The following MNAT1 variants were observed in gnomAD, a reference collection of about 807,000 sequenced individuals.
The protein encoded by MNAT1 is MNAT1 component of CDK activating kinase, also known as CDK-activating kinase assembly factor MAT1.
In MNAT1, 43 loss-of-function variants were observed where a neutral mutation model predicts 42.0. The ratio of observed to expected loss-of-function variants is 1.02; its 90% CI spans 0.80 to 1.32. The LOEUF is 1.32. Ranked by LOEUF, MNAT1 falls within the 40% of genes most tolerant of loss-of-function variation. The probability of loss-of-function intolerance (pLI) is 0.00; values close to 1 mark genes in which losing one functional copy is unlikely to be tolerated. For synonymous variants in MNAT1, 118 were observed against 120.0 expected, an observed-to-expected ratio of 0.98 and a Z score of 0.11; for missense variants, 306 against 350.4, an observed-to-expected ratio of 0.87 and a Z score of 1.01.
intron 6 of MNAT1, among the ~76,000 whole-genome samples, chr14:60,863,054 G>A (rs1312555530): frequency 6.6e-6 from 1 of 151,882 alleles, no homozygotes; most frequent in Admixed American, 6.6e-5. Flanking sequence ...CGAAAGATTC[G>A]AAATTTAACA....
chr14:60,772,276 CATAA>C (rs2031087752), intron 1 of MNAT1, among the ~76,000 whole-genome samples: 1 of 152,068 alleles, frequency 6.6e-6, no homozygotes, highest in Non-Finnish European at 1.5e-5. Flanking sequence ...AAGAAATTGA[CATAA>C]ATAAATTAAA....
At chr14:60,939,068 C>T (rs546534813) in intron 7 of MNAT1, among the ~76,000 whole-genome samples, 34 of 152,144 alleles carry the variant, frequency 2.2e-4, no homozygotes, top group East Asian at 9.7e-4. Context: ...TCTGTGGGAT[C>T]GGTGGTGATA....
intron 7 of MNAT1, among the ~76,000 whole-genome samples, chr14:60,910,676 C>T (rs902200891): frequency 3.3e-5 from 5 of 152,084 alleles, no homozygotes; most frequent in African/African-American, 1.2e-4. Flanking sequence ...GGATGAAGTC[C>T]ACTTGATCAT....
intron 6 of MNAT1, among the ~76,000 whole-genome samples, chr14:60,822,852 G>A (rs2032939108): frequency 6.6e-6 from 1 of 152,056 alleles, no homozygotes. Flanking sequence ...TGTCCCCTGG[G>A]CTCAAGCGAT....
chr14:60,919,075 C>T (rs966280909), intron 7 of MNAT1, among the ~76,000 whole-genome samples: 1 of 151,912 alleles, frequency 6.6e-6, no homozygotes, highest in Non-Finnish European at 1.5e-5. Flanking sequence ...GACAGACACA[C>T]AGACAGTCTG....
chr14:60,965,839 T>C (rs1034034599), intron 7 of MNAT1, among the ~76,000 whole-genome samples: 7 of 152,206 alleles, frequency 4.6e-5, no homozygotes, highest in African/African-American at 1.7e-4. Context: ...GCTGGAAACT[T>C]GTATCAGGAA....
intron 1 of MNAT1, among the ~76,000 whole-genome samples, chr14:60,770,201 C>T (rs532728058): frequency 1.1e-4 from 17 of 152,228 alleles, no homozygotes; most frequent in African/African-American, 4.1e-4. Flanking sequence ...CTTTTTGTGA[C>T]TGCCTTATTC....
intron 6 of MNAT1, among the ~76,000 whole-genome samples, chr14:60,868,232 T>C (rs1198819840): frequency 1.3e-5 from 2 of 152,148 alleles, no homozygotes; most frequent in Non-Finnish European, 2.9e-5. Flanking sequence ...CAAATAGACA[T>C]ATATGTATGT....
At chr14:60,832,006 C>T (rs536423447) in intron 6 of MNAT1, among the ~76,000 whole-genome samples, 10 of 152,246 alleles carry the variant, frequency 6.6e-5, no homozygotes, top group Admixed American at 2.0e-4. Flanking sequence ...ATATCCTTTG[C>T]CCACTTTTTG....
At chr14:60,921,322 T>C (rs779947420) in intron 7 of MNAT1, among the ~76,000 whole-genome samples, 10 of 152,204 alleles carry the variant, frequency 6.6e-5, no homozygotes, top group Non-Finnish European at 1.5e-4. Flanking sequence ...AATAAATTCA[T>C]TGGGTATTCC....
intron 6 of MNAT1, among the ~76,000 whole-genome samples, chr14:60,843,731 CTT>C (rs1361720119): frequency 1.3e-5 from 2 of 151,960 alleles, no homozygotes; most frequent in Non-Finnish European, 2.9e-5. Context: ...AATAATTTCT[CTT>C]GTCTGTGGCT....
Position 60,812,127 on chromosome 14 carries a change from G to T in MNAT1, c.561G>T (p.Leu187=). The T allele has an allele frequency of 6.3e-7, 1 of 1,576,530 alleles. No individual in the cohort carries two copies. The highest frequency in any genetic ancestry group is 1.2e-5 in the South Asian group (1 of 81,854). Residue 187 remains leucine (L), a splice_region_variant and synonymous_variant, in exon 5 of 8, where the codon CTG becomes CTT. Coordinates refer to ENST00000261245, the MANE Select transcript of MNAT1 (RefSeq NM_002431.4). ...RKNKQAFLDE[L]ESSDLPVALL... ...ATAAGCAGGCTTTTTTAGATGAGCT[G>T]GTATGTATTAATGCTAATTGTGATT...
At chr14:60,762,420 C>T (rs1294289511) in intron 1 of MNAT1, among the ~76,000 whole-genome samples, 1 of 152,056 alleles carries the variant, frequency 6.6e-6, no homozygotes, top group Non-Finnish European at 1.5e-5. Context: ...TGGCTCACAC[C>T]TGTAATCCCA....
chr14:60,834,306 A>G (rs1240747447), intron 6 of MNAT1, among the ~76,000 whole-genome samples: 2 of 151,684 alleles, frequency 1.3e-5, no homozygotes, highest in African/African-American at 4.8e-5. Flanking sequence ...ACTGCCATAA[A>G]TTTCCCTTTT....
At chr14:60,751,962 C>T (rs961116901) in intron 1 of MNAT1, among the ~76,000 whole-genome samples, 1 of 152,150 alleles carries the variant, frequency 6.6e-6, no homozygotes, top group Non-Finnish European at 1.5e-5. Context: ...AAGCAAACTG[C>T]ATCTAGCACT....
chr14:60,892,986 C>T (rs1405320249), intron 7 of MNAT1, among the ~76,000 whole-genome samples: 1 of 151,918 alleles, frequency 6.6e-6, no homozygotes, highest in Non-Finnish European at 1.5e-5. Context: ...ATGTAGAAAA[C>T]AAAATGTGAG....
chr14:60,896,988 T>A (rs1260937902), intron 7 of MNAT1, among the ~76,000 whole-genome samples: 2 of 152,174 alleles, frequency 1.3e-5, no homozygotes, highest in African/African-American at 4.8e-5. Flanking sequence ...TCCCAAGAAA[T>A]CAATTGACAG....
intron 1 of MNAT1, among the ~76,000 whole-genome samples, chr14:60,738,548 C>T (rs537625967): frequency 6.4e-4 from 97 of 151,570 alleles, no homozygotes; most frequent in African/African-American, 2.3e-3. Flanking sequence ...AGCCACTGCG[C>T]CCGGCCTGAG....
chr14:60,872,847 CACACACACACACACACACACACAT>C (rs2034357029), intron 6 of MNAT1, among the ~76,000 whole-genome samples: 1 of 145,086 alleles, frequency 6.9e-6, no homozygotes, highest in Non-Finnish European at 1.5e-5. Flanking sequence ...CACACACACA[CACACACACACACACACACACACAT>C]ATATATATGC....
Sources: gnomAD v4.1 joint callset for allele counts (sites outside exome capture counted in the v4.1 genomes callset) on GRCh38, gnomAD v4.1.1 for gene constraint, MANE v1.5 for transcripts, NCBI Gene and HGNC (gene_info 2026-07-23, HGNC 2026-07-21) for gene names.